The following UTRN variants were observed in gnomAD, a reference collection of about 807,000 sequenced individuals.
UTRN encodes the protein dystrophin-related protein 1.
Under a neutral mutation model 463.9 loss-of-function variants are expected in UTRN, and 283 were observed. The observed-to-expected ratio is 0.61, with a 90% CI of 0.55 to 0.67. The LOEUF is 0.67. Ranked by LOEUF, UTRN falls within the 30% of genes least tolerant of loss-of-function variation. UTRN has a pLI of 0.00. For missense variants in UTRN, 3,922 were observed against 4,084.3 expected (o/e 0.96, Z 1.08); for synonymous variants, 1,442 against 1,431.5 (o/e 1.01, Z -0.17).
intron 39 of UTRN, 73 bp from the exon 40 acceptor site, chr6:144,521,907 T>G: frequency 2.1e-6 from 2 of 955,894 alleles, no homozygotes; most frequent in Non-Finnish European, 2.7e-6. Flanking sequence ...AATAGTCTTG[T>G]TATTATTCAT....
intron 54 of UTRN, among the ~76,000 whole-genome samples, chr6:144,738,562 T>G (rs1789701700): frequency 6.6e-6 from 1 of 152,138 alleles, no homozygotes; most frequent in East Asian, 1.9e-4. Context: ...CCAAACATAC[T>G]TTATGATTTA....
chr6:144,836,069 T>G, intron 70 of UTRN, 131 bp downstream of exon 70: 2 of 1,445,842 alleles, frequency 1.4e-6, no homozygotes, highest in Non-Finnish European at 9.3e-7. Flanking sequence ...TTAGAGGCTA[T>G]TAACAAACTG....
Position 144,653,328 on chromosome 6 carries a change from G to A in UTRN, c.7480-25078G>A, listed in dbSNP as rs377358035. Among the ~76,000 whole-genome samples, 18 of 152,258 alleles carry A rather than the reference G, an allele frequency of 1.2e-4. No individual in the cohort carries two copies. In the East Asian group the frequency reaches 1.4e-3, roughly 11 times the overall value. On this transcript the variant is annotated intron_variant, in intron 51 of 74. Coordinates refer to ENST00000367545, the MANE Select transcript of UTRN (RefSeq NM_007124.3). ...TGGCCAGGCACGGTGGCTCACGCCT[G>A]TAATCCTAGCACTTTGGGAGGCTGA...
intron 2 of UTRN, among the ~76,000 whole-genome samples, chr6:144,367,906 C>T (rs953465035): frequency 5.3e-5 from 8 of 152,132 alleles, no homozygotes; most frequent in African/African-American, 1.2e-4. Context: ...CTCAGCCTTC[C>T]GAGTAGCTGG....
At chr6:144,471,052 G>A (rs1790572614) in intron 23 of UTRN, among the ~76,000 whole-genome samples, 2 of 114,192 alleles carry the variant, frequency 1.8e-5, no homozygotes, top group South Asian at 7.7e-4. Context: ...GGGAGAGGGA[G>A]GGGGAGAGGG....
chr6:144,480,043 C>G, intron 26 of UTRN, 61 bp downstream of exon 26: 2 of 1,547,470 alleles, frequency 1.3e-6, no homozygotes, highest in East Asian at 4.5e-5. Flanking sequence ...TTAAAACCAG[C>G]ACATCAATCA....
Position 144,577,233 on chromosome 6 carries a change from G to C in UTRN, c.7424G>C (p.Arg2475Pro), listed in dbSNP as rs771901189. The part of the protein sequence containing the change: ...TVNVLVDASH[R>P]ENALQDSILA... ...AATGTGCTTGTGGATGCCTCTCATC[G>C]GGAGAATGCTCTTCAGGATAGTATC... The change falls in exon 51 of 75, where the codon CGG becomes CCG. Residue 2475 changes from arginine (R) to proline (P), a missense_variant. Arg to Pro is a moderately radical substitution (Grantham distance 103, BLOSUM62 -2). Coordinates refer to ENST00000367545, the MANE Select transcript of UTRN (RefSeq NM_007124.3). 44 of 1,613,792 alleles carry C rather than the reference G, an allele frequency of 2.7e-5. 1 individual carries two copies. Among genetic ancestry groups the C allele is most frequent in the Admixed American group, 6.7e-5 (4 of 59,970 alleles).
At chr6:144,666,396 A>C (rs1248891468) in intron 51 of UTRN, among the ~76,000 whole-genome samples, 3 of 152,132 alleles carry the variant, frequency 2.0e-5, no homozygotes, top group African/African-American at 7.2e-5. Flanking sequence ...TTTCCTTCCA[A>C]TTTTTCAATT....
intron 2 of UTRN, among the ~76,000 whole-genome samples, chr6:144,312,876 C>G (rs574996017): frequency 6.6e-6 from 1 of 152,152 alleles, no homozygotes; most frequent in Non-Finnish European, 1.5e-5. Flanking sequence ...TAATTTCCAG[C>G]CAGTTTATGT....
Position 144,523,082 on chromosome 6 carries a change from G to A in UTRN, c.5800G>A (p.Val1934Ile). 1 of 1,613,388 alleles carries A rather than the reference G, an allele frequency of 6.2e-7. No individual in the cohort carries two copies. Among genetic ancestry groups the A allele is most frequent in the Non-Finnish European group, 8.5e-7 (1 of 1,179,700 alleles). Residue 1934 changes from valine (V) to isoleucine (I), a missense_variant, in exon 41 of 75, where the codon GTC becomes ATC. Physicochemically the swap from Val to Ile is conservative, Grantham distance 29. Coordinates refer to ENST00000367545, the MANE Select transcript of UTRN (RefSeq NM_007124.3). ...IAVIHEKQPDVILEASGPEAI... is the reference protein window; with the variant it reads ...IAVIHEKQPDIILEASGPEAI... ...AGTCATTCATGAAAAACAGCCAGAT[G>A]TCATCCTTGAAGCCTCTGGACCTGA...
At chr6:144,693,620 T>TG (rs1462666745) in intron 52 of UTRN, among the ~76,000 whole-genome samples, 1 of 152,192 alleles carries the variant, frequency 6.6e-6, no homozygotes, top group African/African-American at 2.4e-5. Flanking sequence ...CCTGATTAGC[T>TG]ATACTCGTAA....
At chr6:144,402,143 A>T (rs1272882460) in intron 2 of UTRN, among the ~76,000 whole-genome samples, 2 of 152,240 alleles carry the variant, frequency 1.3e-5, no homozygotes, top group Non-Finnish European at 1.5e-5. Flanking sequence ...ATATTTATTT[A>T]TCTACCTTGC....
intron 65 of UTRN, among the ~76,000 whole-genome samples, chr6:144,814,452 A>C (rs1457317947): frequency 6.6e-6 from 1 of 152,222 alleles, no homozygotes; most frequent in East Asian, 1.9e-4. Flanking sequence ...GTAATTGTAA[A>C]TACCACACAA....
chr6:144,732,905 G>T (rs1456088910), intron 54 of UTRN, among the ~76,000 whole-genome samples: 1 of 152,008 alleles, frequency 6.6e-6, no homozygotes, highest in Non-Finnish European at 1.5e-5. Context: ...ATCTCATTGT[G>T]TTGCCTAGGT....
intron 3 of UTRN, among the ~76,000 whole-genome samples, chr6:144,406,356 C>CTTTTTTTTTTTTTTTTTTTTT (rs57721924): frequency 1.6e-5 from 2 of 125,558 alleles, no homozygotes; most frequent in Admixed American, 8.2e-5. Context: ...TTTTTCTTTT[C>CTTTTTTTTTTTTTTTTTTTTT]TTTTTTTTTT....
chr6:144,719,175 C>T (rs981264144), intron 53 of UTRN, among the ~76,000 whole-genome samples: 1 of 152,160 alleles, frequency 6.6e-6, no homozygotes, highest in Non-Finnish European at 1.5e-5. Context: ...TAACAATGGC[C>T]TCCTGAGGTT....
intron 59 of UTRN, among the ~76,000 whole-genome samples, chr6:144,772,946 T>A (rs1205610776): frequency 1.7e-4 from 26 of 151,732 alleles, no homozygotes; most frequent in Admixed American, 1.6e-3. Context: ...CCCCCTTTTT[T>A]AATCTCTTTA....
rs1292614932 is a variant in UTRN at position 144,824,766 on chromosome 6, T to G, written c.9495-2582T>G. On this transcript the variant is annotated intron_variant, in intron 66 of 74. Transcript: ENST00000367545. ...GGAAATTCCTAGGCAGTATGTGAAG[T>G]TGGTGGTGGGGGGGGGTGTCCCCCC... 1.6e-3 allele frequency among the ~76,000 whole-genome samples: 203 copies of G among 128,480 alleles called. 2 individuals carry two copies. Among genetic ancestry groups the G allele is most frequent in the African/African-American group, 5.7e-3 (196 of 34,202 alleles). The allele number at this position is 128,480 out of a possible 152,430, so 84.3% of individuals were successfully genotyped here. A position where few individuals can be genotyped will look rare whatever the true frequency, so the allele number is the denominator to read the frequency against.
chr6:144,519,649 G>T (rs138411802), intron 39 of UTRN, among the ~76,000 whole-genome samples: 3 of 152,074 alleles, frequency 2.0e-5, no homozygotes, highest in Non-Finnish European at 2.9e-5. Flanking sequence ...ATCTATTTTG[G>T]GAATACAGAA....
Sources: gnomAD v4.1 joint callset for allele counts (sites outside exome capture counted in the v4.1 genomes callset) on GRCh38, gnomAD v4.1.1 for gene constraint, MANE v1.5 for transcripts, NCBI Gene and HGNC (gene_info 2026-07-23, HGNC 2026-07-21) for gene names.